Variants in SH3GL3 observed in about 807,000 individuals in gnomAD.
SH3GL3 encodes endophilin-A3.
SH3GL3 carries 33 observed loss-of-function variants against 47.7 expected under a neutral mutation model. The ratio of observed to expected loss-of-function variants is 0.69; its 90% confidence interval spans 0.52 to 0.92. SH3GL3 has a LOEUF of 0.92. SH3GL3 is among the 40% of genes least tolerant of loss of function. SH3GL3 has a pLI of 0.00. For missense variants in SH3GL3, 363 were observed against 417.8 expected, an observed-to-expected ratio of 0.87 and a Z score of 1.14; for synonymous variants, 155 against 148.8, an observed-to-expected ratio of 1.04 and a Z score of -0.30.
At chr15:83,518,357 A>C (rs967691114) in intron 1 of SH3GL3, among the ~76,000 whole-genome samples, 1 of 152,230 alleles carries the variant, frequency 6.6e-6, no homozygotes, top group African/African-American at 2.4e-5. Flanking sequence ...TCCCACTAAC[A>C]GTGCATAAGT....
intron 2 of SH3GL3, among the ~76,000 whole-genome samples, chr15:83,559,658 A>G (rs1413851846): frequency 6.6e-6 from 1 of 152,228 alleles, no homozygotes; most frequent in Non-Finnish European, 1.5e-5. Context: ...ATCAAAATGT[A>G]TTTCTGGGAC....
chr15:83,580,145 C>T (rs2059793616), intron 6 of SH3GL3, among the ~76,000 whole-genome samples: 1 of 152,192 alleles, frequency 6.6e-6, no homozygotes, highest in Non-Finnish European at 1.5e-5. Context: ...CCCTGTGAGT[C>T]ACAACCCGCA....
At chr15:83,621,501 A>G (rs545516739), downstream of SH3GL3, among the ~76,000 whole-genome samples, 258 of 152,336 alleles carry the variant, frequency 1.7e-3, no homozygotes, top group Middle Eastern at 6.8e-3. Context: ...CATCTTATAT[A>G]GGCATTGTTT....
intron 1 of SH3GL3, among the ~76,000 whole-genome samples, chr15:83,509,265 C>A (rs1028972551): frequency 2.6e-5 from 4 of 152,230 alleles, no homozygotes; most frequent in African/African-American, 4.8e-5. Context: ...TGCCTCATCT[C>A]ACGGAGTGAG....
intron 5 of SH3GL3, among the ~76,000 whole-genome samples, chr15:83,574,971 A>G (rs886199036): frequency 6.6e-6 from 1 of 152,146 alleles, no homozygotes; most frequent in African/African-American, 2.4e-5. Flanking sequence ...TGGGCAGTCC[A>G]TTCCTCGGGG....
intron 8 of SH3GL3, among the ~76,000 whole-genome samples, chr15:83,609,117 C>T (rs1465724369): frequency 3.3e-5 from 5 of 152,084 alleles, no homozygotes; most frequent in South Asian, 2.1e-4. Context: ...CGTCATCTGA[C>T]GAGTGCGGAT....
At chr15:83,547,706 C>T (rs962969654) in intron 1 of SH3GL3, among the ~76,000 whole-genome samples, 1 of 151,242 alleles carries the variant, frequency 6.6e-6, no homozygotes, top group Non-Finnish European at 1.5e-5. Flanking sequence ...TATCTTTTTG[C>T]ACCTGTTTAT....
intron 1 of SH3GL3, among the ~76,000 whole-genome samples, chr15:83,536,257 G>C (rs1442588608): frequency 1.3e-5 from 2 of 152,158 alleles, no homozygotes; most frequent in Non-Finnish European, 2.9e-5. Flanking sequence ...TTCTGGATAT[G>C]GTGGACAGGG....
chr15:83,512,726 C>T (rs2042817611), intron 1 of SH3GL3, among the ~76,000 whole-genome samples: 1 of 152,040 alleles, frequency 6.6e-6, no homozygotes, highest in African/African-American at 2.4e-5. Context: ...TCCATCCCCT[C>T]CAAGACTCTC....
intron 1 of SH3GL3, among the ~76,000 whole-genome samples, chr15:83,487,015 A>G (rs1197590373): frequency 6.6e-6 from 1 of 152,188 alleles, no homozygotes; most frequent in African/African-American, 2.4e-5. Flanking sequence ...CCTGCTTCCA[A>G]ATACAACCAC....
intron 1 of SH3GL3, among the ~76,000 whole-genome samples, chr15:83,470,257 C>T (rs567696521): frequency 4.9e-4 from 74 of 152,280 alleles, no homozygotes; most frequent in African/African-American, 1.7e-3. Context: ...TGGAGTCTCA[C>T]TCTGTCACCC....
In SH3GL3 at chr15:83,456,638, G is replaced by T. The variant is rs1053687621; in HGVS notation, c.45+9060G>T. 6.8e-4 allele frequency among the ~76,000 whole-genome samples: 94 copies of T among 138,310 alleles called. 1 individual carries two copies. The highest frequency in any genetic ancestry group is 2.5e-3 in the African/African-American group (91 of 36,736). The allele number at this position is 138,310 out of a possible 152,430, so 90.7% of individuals were successfully genotyped here. ...ACTCCCTGACCCCTTGCGCTTCCCA[G>T]GTGAGGCAATGCCTCGCCCTGCTTC... On this transcript the variant is annotated intron_variant, in intron 1 of 8. Coordinates refer to ENST00000427482, the MANE Select transcript of SH3GL3 (RefSeq NM_003027.5).
intron 1 of SH3GL3, among the ~76,000 whole-genome samples, chr15:83,526,121 A>G (rs2043410423): frequency 6.6e-6 from 1 of 152,170 alleles, no homozygotes; most frequent in Admixed American, 6.5e-5. Flanking sequence ...TAGTATGTTC[A>G]TTTTAACAGT....
intron 1 of SH3GL3, among the ~76,000 whole-genome samples, chr15:83,551,079 A>G (rs1285226441): frequency 2.0e-5 from 3 of 152,224 alleles, no homozygotes; most frequent in African/African-American, 7.2e-5. Flanking sequence ...AAAACCCAAC[A>G]CATCTAGACA....
intron 1 of SH3GL3, among the ~76,000 whole-genome samples, chr15:83,552,565 A>G (rs1236789615): frequency 2.6e-5 from 4 of 152,302 alleles, no homozygotes; most frequent in African/African-American, 9.6e-5. Context: ...TGCAAAAGTA[A>G]TTGTGGTTTT....
At chr15:83,631,496 C>A in the SH3GL3 span, among the ~76,000 whole-genome samples, 6 of 152,358 alleles carry the variant, frequency 3.9e-5, no homozygotes, top group Middle Eastern at 0.014. Context: ...GGTTTCCATA[C>A]ATCCTCTGAA....
At chr15:83,475,297 G>A (rs1367656812) in intron 1 of SH3GL3, among the ~76,000 whole-genome samples, 1 of 151,860 alleles carries the variant, frequency 6.6e-6, no homozygotes, top group African/African-American at 2.4e-5. Context: ...CGCCAACATA[G>A]TAAAACCCTG....
chr15:83,609,319 C>T (rs778162854), intron 8 of SH3GL3: 72 of 455,974 alleles, frequency 1.6e-4, no homozygotes, highest in South Asian at 3.9e-4. Context: ...GGGACTGCTT[C>T]GGGAAGGCCA....
At position 83,582,573 on chromosome 15, in the gene SH3GL3, G is replaced by A. The variant is rs568205425; in HGVS notation, c.625-4410G>A. On this transcript the variant is annotated intron_variant, in intron 6 of 8. Transcript: ENST00000427482. ...CAGTATGAAAGATTAATCTCTAAGC[G>A]GTTCCTAACAGAAAATACAGTTGGC... is the stretch of plus-strand genomic sequence containing the variant. Among the ~76,000 whole-genome samples, 5 of 152,196 alleles carry A rather than the reference G, an allele frequency of 3.3e-5. No individual in the cohort carries two copies. In the East Asian group the frequency reaches 7.7e-4, roughly 24 times the overall value.
Sources: allele counts gnomAD v4.1 joint callset (sites outside exome capture counted in the v4.1 genomes callset), GRCh38; gene constraint gnomAD v4.1.1; transcripts MANE v1.5; gene names NCBI Gene and HGNC (gene_info 2026-07-23, HGNC 2026-07-21).